KIAA1217: variants seen among roughly 807,000 people sequenced by gnomAD.
KIAA1217 encodes the protein KIAA1217, also known as sickle tail protein homolog.
KIAA1217 carries 88 observed loss-of-function variants against 163.9 expected under a neutral mutation model. That is an observed-to-expected ratio of 0.54 (90% CI 0.45 to 0.64). The LOEUF (loss-of-function observed/expected upper bound fraction) is 0.64, where lower values mean the gene tolerates loss of function less well. Ranked by LOEUF, KIAA1217 falls within the 30% of genes least tolerant of loss-of-function variation. The pLI is 0.00. For missense variants in KIAA1217, 2,372 were observed against 2,475.0 expected (o/e 0.96, Z 0.88); for synonymous variants, 903 against 923.1 (o/e 0.98, Z 0.39).
chr10:24,210,348 T>TGAA (rs2067912442), intron 1 of KIAA1217, among the ~76,000 whole-genome samples: 1 of 152,200 alleles, frequency 6.6e-6, no homozygotes. Context: ...TCCCTGAGTC[T>TGAA]GAACAGTCAT....
At chr10:24,333,389 A>T (rs2045944425) in intron 2 of KIAA1217, among the ~76,000 whole-genome samples, 1 of 152,078 alleles carries the variant, frequency 6.6e-6, no homozygotes. Context: ...TGCTGAGTTT[A>T]TCTGGGAGTG....
intron 13 of KIAA1217, among the ~76,000 whole-genome samples, chr10:24,525,383 A>G (rs11819394): frequency 0.03 from 4,630 of 152,274 alleles, 202 homozygotes; most frequent in African/African-American, 0.098. Flanking sequence ...GTCTGGGACC[A>G]TGACTAAGCC....
At chr10:24,337,136 A>G (rs2046446478) in intron 2 of KIAA1217, among the ~76,000 whole-genome samples, 1 of 152,226 alleles carries the variant, frequency 6.6e-6, no homozygotes, top group Admixed American at 6.5e-5. Context: ...TCACACTGTG[A>G]GATTAAATAT....
intron 2 of KIAA1217, among the ~76,000 whole-genome samples, chr10:24,199,734 T>A (rs2067160286): frequency 6.6e-6 from 1 of 152,192 alleles, no homozygotes; most frequent in Admixed American, 6.5e-5. Flanking sequence ...GTGTTTATTA[T>A]TTATTTTATT....
intron 1 of KIAA1217, among the ~76,000 whole-genome samples, chr10:23,971,130 T>C (rs1055339504): frequency 9.2e-5 from 14 of 152,202 alleles, no homozygotes; most frequent in African/African-American, 2.9e-4. Context: ...GGGGTTGTTT[T>C]CCCGTGTGCA....
At chr10:24,252,809 A>G (rs1267691657) in intron 2 of KIAA1217, among the ~76,000 whole-genome samples, 2 of 152,000 alleles carry the variant, frequency 1.3e-5, no homozygotes, top group African/African-American at 4.8e-5. Context: ...GAGGAAACAG[A>G]TATACAGATA....
intron 1 of KIAA1217, among the ~76,000 whole-genome samples, chr10:23,723,037 C>T (rs946083600): frequency 1.3e-5 from 2 of 152,164 alleles, no homozygotes; most frequent in Admixed American, 6.6e-5. Flanking sequence ...GGTTTCATCA[C>T]GCACCTCATT....
At chr10:24,446,225 G>A (rs921803805) in intron 5 of KIAA1217, among the ~76,000 whole-genome samples, 13 of 152,056 alleles carry the variant, frequency 8.5e-5, no homozygotes, top group Non-Finnish European at 1.5e-5. Context: ...TGTTGATGGG[G>A]TTGTTTGTTT....
intron 3 of KIAA1217, among the ~76,000 whole-genome samples, chr10:24,382,389 C>G (rs1423056177): frequency 6.6e-6 from 1 of 151,912 alleles, no homozygotes; most frequent in Non-Finnish European, 1.5e-5. Flanking sequence ...CAGATAATGA[C>G]CCAAGCAGAC....
chr10:24,286,234 A>G (rs940901293), intron 2 of KIAA1217, among the ~76,000 whole-genome samples: 1 of 152,016 alleles, frequency 6.6e-6, no homozygotes, highest in African/African-American at 2.4e-5. Context: ...TTGGTTTTTT[A>G]AAAATTGAAT....
intron 2 of KIAA1217, among the ~76,000 whole-genome samples, chr10:24,365,914 A>G (rs7917352): frequency 0.021 from 3,154 of 152,256 alleles, 113 homozygotes; most frequent in African/African-American, 0.072. Context: ...CACAATGGTG[A>G]TATGGATCAT....
intron 1 of KIAA1217, among the ~76,000 whole-genome samples, chr10:23,970,385 C>A (rs1196222387): frequency 6.6e-6 from 1 of 152,132 alleles, no homozygotes; most frequent in Non-Finnish European, 1.5e-5. Context: ...AAGTCAGGCA[C>A]AGAAAGACAA....
intron 1 of KIAA1217, among the ~76,000 whole-genome samples, chr10:23,905,936 T>C (rs552988152): frequency 6.6e-6 from 1 of 152,194 alleles, no homozygotes; most frequent in African/African-American, 2.4e-5. Flanking sequence ...GAAATGTATT[T>C]TCTCACAGTT....
chr10:24,016,409 C>T (rs751263745), intron 2 of KIAA1217, among the ~76,000 whole-genome samples: 73 of 152,136 alleles, frequency 4.8e-4, no homozygotes, highest in Admixed American at 5.3e-4. Flanking sequence ...TATTCAAACA[C>T]CTTTTATACA....
chr10:23,827,865 G>T (rs1837974878), intron 1 of KIAA1217, among the ~76,000 whole-genome samples: 1 of 152,134 alleles, frequency 6.6e-6, no homozygotes, highest in South Asian at 2.1e-4. Flanking sequence ...ACATCAGAAA[G>T]GGTGACTTCC....
chr10:23,843,044 C>A (rs941067108), intron 1 of KIAA1217, among the ~76,000 whole-genome samples: 4 of 152,076 alleles, frequency 2.6e-5, no homozygotes, highest in Non-Finnish European at 4.4e-5. Flanking sequence ...TATGTGAAAC[C>A]ACTTAGGGTT....
chr10:24,446,229 T>C (rs2132162987), intron 5 of KIAA1217, among the ~76,000 whole-genome samples: 1 of 152,280 alleles, frequency 6.6e-6, no homozygotes, highest in East Asian at 1.9e-4. Flanking sequence ...GATGGGGTTG[T>C]TTGTTTTTTT....
chr10:24,509,991 A>C (rs1224573364), intron 9 of KIAA1217, among the ~76,000 whole-genome samples: 1 of 152,124 alleles, frequency 6.6e-6, no homozygotes, highest in Non-Finnish European at 1.5e-5. Context: ...AGAGGAAGGA[A>C]ATCTACATAT....
At chr10:24,459,109 T>A (rs1335071689) in intron 5 of KIAA1217, among the ~76,000 whole-genome samples, 1 of 152,010 alleles carries the variant, frequency 6.6e-6, no homozygotes, top group African/African-American at 2.4e-5. Context: ...CATCTGAGAG[T>A]TGGAGAACCA....
Sources: gnomAD v4.1 joint callset for allele counts (sites outside exome capture counted in the v4.1 genomes callset) on GRCh38, gnomAD v4.1.1 for gene constraint, MANE v1.5 for transcripts, NCBI Gene and HGNC (gene_info 2026-07-23, HGNC 2026-07-21) for gene names.